Variants in SCAF11 observed in about 807,000 individuals in gnomAD.
The protein encoded by SCAF11 is SR-related CTD associated factor 11, also known as protein SCAF11.
Under a neutral mutation model 140.5 loss-of-function variants are expected in SCAF11, and 47 were observed. That is an observed-to-expected ratio of 0.33 (90% CI 0.26 to 0.43). The LOEUF is 0.43. Ranked by LOEUF, SCAF11 falls within the 20% of genes least tolerant of loss-of-function variation. The pLI is 1.00. For missense variants in SCAF11, 1,645 were observed against 1,705.1 expected (o/e 0.96, Z 0.62); for synonymous variants, 557 against 579.4 (o/e 0.96, Z 0.55).
In SCAF11 at chr12:45,926,362, T is replaced by C. The variant is rs770027396; in HGVS notation, c.3339A>G (p.Glu1113=). The C allele has an allele frequency of 9.3e-6, 15 of 1,614,068 alleles. No individual in the cohort carries two copies. The highest frequency in any genetic ancestry group is 3.3e-4 in the Middle Eastern group (2 of 6,084). ...ATTGCTGTTCCACAAACTTGAAAGATTCACTCCCTGAACTGTTTGAATTCC... is the reference window on the plus strand; with the variant it reads ...ATTGCTGTTCCACAAACTTGAAAGACTCACTCCCTGAACTGTTTGAATTCC... ...LSGNSNSSGS[E]SFKFVEQQSY... The change falls in exon 11 of 15, where the codon GAA becomes GAG. Residue 1113 remains glutamate (E), a synonymous_variant. Coordinates refer to ENST00000369367, the MANE Select transcript of SCAF11 (RefSeq NM_004719.3).
intron 4 of SCAF11, among the ~76,000 whole-genome samples, chr12:45,950,987 T>C (rs1251642024): frequency 6.6e-6 from 1 of 152,168 alleles, no homozygotes; most frequent in Non-Finnish European, 1.5e-5. Context: ...CTTTCTCATA[T>C]ACTTAACTAC....
intron 12 of SCAF11, among the ~76,000 whole-genome samples, chr12:45,923,926 C>T (rs1204238453): frequency 6.6e-6 from 1 of 152,082 alleles, no homozygotes; most frequent in Admixed American, 6.5e-5. Context: ...TCTCGGCTCA[C>T]TGCAACCTCC....
chr12:45,924,857 T>C lies in SCAF11; in HGVS notation c.3777A>G (p.Thr1259=), dbSNP rs1033788419. 8 of 1,613,990 alleles carry C rather than the reference T, an allele frequency of 5.0e-6. No individual in the cohort carries two copies. The Admixed American group carries it at 1.0e-4, about 20-fold the overall frequency. Residue 1259 remains threonine (T), a synonymous_variant, in exon 12 of 15, where the codon ACA becomes ACG. Coordinates refer to ENST00000369367, the MANE Select transcript of SCAF11 (RefSeq NM_004719.3). ...IHPQLPLHLH[T]GVPLMQVATP... ...TGGCTACCTGCATGAGGGGCACTCC[T>C]GTGTGGAGATGCAAGGGTAGCTGAG...
chr12:45,941,330 G>A (rs1356509590), intron 6 of SCAF11, among the ~76,000 whole-genome samples: 3 of 152,120 alleles, frequency 2.0e-5, no homozygotes, highest in Non-Finnish European at 4.4e-5. Flanking sequence ...ACTACTTAAT[G>A]TTCTGATATA....
intron 12 of SCAF11, among the ~76,000 whole-genome samples, chr12:45,923,816 G>C (rs1944773654): frequency 2.0e-5 from 3 of 151,656 alleles, no homozygotes; most frequent in Admixed American, 2.0e-4. Flanking sequence ...CGAGTAGCTG[G>C]GATTACAGGA....
intron 5 of SCAF11, among the ~76,000 whole-genome samples, 188 bp from the exon 6 acceptor site, chr12:45,945,501 A>G (rs1304161928): frequency 6.7e-6 from 1 of 150,284 alleles, no homozygotes; most frequent in Non-Finnish European, 1.5e-5. Context: ...ATGTCAAGTT[A>G]GGTTTTAATA....
chr12:45,928,866 A>C lies in SCAF11; in HGVS notation c.842-7T>G, dbSNP rs1944970070. The C allele has an allele frequency of 2.2e-6, 3 of 1,394,332 alleles. No individual in the cohort carries two copies. Among genetic ancestry groups the C allele is most frequent in the Non-Finnish European group, 2.8e-6 (3 of 1,063,624 alleles). The allele number at this position is 1,394,332 out of a possible 1,614,324, so 86.4% of individuals were successfully genotyped here. ...TATCCCTTGCAAGAAGTACCTAATAATATTTAAAAAAAAAAAAAAAGTAAA... is the reference window on the plus strand; with the variant it reads ...TATCCCTTGCAAGAAGTACCTAATACTATTTAAAAAAAAAAAAAAAGTAAA... On this transcript the variant is annotated splice_polypyrimidine_tract_variant and splice_region_variant and intron_variant, in intron 10 of 14. Coordinates refer to ENST00000369367, the MANE Select transcript of SCAF11 (RefSeq NM_004719.3).
chr12:45,981,845 T>C (rs1195410100), intron 1 of SCAF11, among the ~76,000 whole-genome samples: 3 of 152,110 alleles, frequency 2.0e-5, no homozygotes, highest in Admixed American at 6.6e-5. Context: ...CATTATTATA[T>C]TAAATGTAAA....
intron 3 of SCAF11, 26 bp downstream of exon 3, chr12:45,961,674 A>T: frequency 6.4e-7 from 1 of 1,566,050 alleles, no homozygotes; most frequent in East Asian, 2.3e-5. Flanking sequence ...CTAGGAAATT[A>T]AAATACATTA....
chr12:45,940,549 G>T (rs1176087789), intron 6 of SCAF11, among the ~76,000 whole-genome samples: 1 of 152,150 alleles, frequency 6.6e-6, no homozygotes, highest in African/African-American at 2.4e-5. Flanking sequence ...TGTGATCTCG[G>T]ACAAGACATT....
chr12:45,927,221 C>A lies in SCAF11; in HGVS notation c.2480G>T (p.Ser827Ile). 2 of 1,614,128 alleles carry A rather than the reference C, an allele frequency of 1.2e-6. No individual in the cohort carries two copies. The highest frequency in any genetic ancestry group is 1.7e-6 in the Non-Finnish European group (2 of 1,180,020). ...AGGAGATGGTGATTGAGACTTCCTG[C>A]TTTCTTTCCCAGTTTCTCTTCTGGG... The part of the protein sequence containing the change: ...PSPRRETGKE[S>I]RKSQSPSPKN... The change falls in exon 11 of 15, where the codon AGC becomes ATC. Residue 827 changes from serine (S) to isoleucine (I), a missense_variant. Ser to Ile is a moderately radical substitution (Grantham distance 142). Transcript: ENST00000369367.
At chr12:45,967,179 A>G (rs1376646872) in intron 1 of SCAF11, among the ~76,000 whole-genome samples, 1 of 152,100 alleles carries the variant, frequency 6.6e-6, no homozygotes, top group South Asian at 2.1e-4. Context: ...CTTGAGCCCA[A>G]GAAGTTCAAG....
intron 13 of SCAF11, among the ~76,000 whole-genome samples, 155 bp downstream of exon 13, chr12:45,922,781 G>T (rs971161740): frequency 6.6e-6 from 1 of 152,110 alleles, no homozygotes; most frequent in African/African-American, 2.4e-5. Context: ...GTAATTTACT[G>T]GACATCAACA....
At position 45,922,574 on chromosome 12, in the gene SCAF11, T is replaced by A. The variant is rs1944740683; in HGVS notation, c.4134A>T (p.Gln1378His). ...ADSSKTDKKL[Q>H]IQEKAAQEVK... ...CCTCTTGTGCTGCTTTTTCTTGAATTTGCAATTTCTGATGAGAAGAAAATG... is the reference window on the plus strand; with the variant it reads ...CCTCTTGTGCTGCTTTTTCTTGAATATGCAATTTCTGATGAGAAGAAAATG... Residue 1378 changes from glutamine to histidine, a missense_variant, in exon 14 of 15, where the codon CAA becomes CAT. Physicochemically the swap from Gln to His is conservative, Grantham distance 24 (BLOSUM62 0). Around this residue, in one of 2 missense-constraint regions of SCAF11, gnomAD observed 1,582 missense variants for 1,609.2 expected, o/e 0.98. Transcript: ENST00000369367. 1 of 1,589,546 alleles carries A rather than the reference T, an allele frequency of 6.3e-7. No individual in the cohort carries two copies. The highest frequency in any genetic ancestry group is 8.5e-7 in the Non-Finnish European group (1 of 1,174,862).
chr12:45,960,137 C>T (rs1945790547), intron 3 of SCAF11, among the ~76,000 whole-genome samples: 1 of 152,066 alleles, frequency 6.6e-6, no homozygotes, highest in Non-Finnish European at 1.5e-5. Context: ...ATCTACAACC[C>T]GTAATTCCAC....
rs1450368392 is a variant in SCAF11 at position 45,928,296 on chromosome 12, T to C, written c.1405A>G (p.Arg469Gly). The change falls in exon 11 of 15, where the codon AGA becomes GGA. Residue 469 changes from arginine to glycine, a missense_variant. Physicochemically the swap from Arg to Gly is moderately radical, Grantham distance 125. This residue lies in a region of SCAF11 where 1,582 missense variants were observed against 1,609.2 expected (regional missense o/e 0.98). Coordinates refer to ENST00000369367, the MANE Select transcript of SCAF11 (RefSeq NM_004719.3). ...KHTANYDTEE[R>G]VGSSSSESCA... ...GACTCAGAAGATGAAGATCCTACTCTTTCCTCTGTATCATAATTTGCAGTA... is the reference window on the plus strand; with the variant it reads ...GACTCAGAAGATGAAGATCCTACTCCTTCCTCTGTATCATAATTTGCAGTA... 1.2e-6 allele frequency: 2 copies of C among 1,614,028 alleles called. No homozygotes were observed.
intron 8 of SCAF11, among the ~76,000 whole-genome samples, chr12:45,933,494 T>C (rs1335303984): frequency 1.3e-5 from 2 of 152,132 alleles, no homozygotes; most frequent in Non-Finnish European, 2.9e-5. Flanking sequence ...GACAGAATTT[T>C]TTAAATAAAG....
At chr12:45,989,852 C>T (rs1362916946) in intron 1 of SCAF11, among the ~76,000 whole-genome samples, 1 of 152,186 alleles carries the variant, frequency 6.6e-6, no homozygotes, top group Non-Finnish European at 1.5e-5. Flanking sequence ...CGGGCTTGGA[C>T]GCTCGCGACC....
rs1945345834 is a variant in SCAF11 at position 45,943,242 on chromosome 12, T to A, written c.463+2007A>T. 2.6e-5 allele frequency among the ~76,000 whole-genome samples: 4 copies of A among 152,280 alleles called. No homozygotes were observed. In the South Asian group the frequency reaches 8.3e-4, roughly 32 times the overall value. On this transcript the variant is annotated intron_variant, in intron 6 of 14. Coordinates refer to ENST00000369367, the MANE Select transcript of SCAF11 (RefSeq NM_004719.3). ...AAGTGGTCCCCCCTTATTTATGGTG[T>A]CTCTTTCTGCAGTTTCAGTTACCTG...
Sources: gnomAD v4.1 joint callset for allele counts (sites outside exome capture counted in the v4.1 genomes callset) on GRCh38, gnomAD v4.1.1 for gene constraint, gnomAD v4.1.1 regional missense constraint, MANE v1.5 for transcripts, NCBI Gene and HGNC (gene_info 2026-07-23, HGNC 2026-07-21) for gene names.